Variants in SEMA3E observed in about 807,000 individuals in gnomAD.
SEMA3E encodes the protein semaphorin-3E.
In SEMA3E, 49 loss-of-function variants were observed where a neutral mutation model predicts 93.6. That is an observed-to-expected ratio of 0.52 (90% confidence interval 0.42 to 0.66). The LOEUF is 0.66. Among genes scored for constraint, SEMA3E ranks in the 30% least tolerant of loss-of-function variants. The pLI, the probability that SEMA3E is intolerant of heterozygous loss-of-function variation, is 0.00. For missense variants in SEMA3E, 906 were observed against 964.8 expected (o/e 0.94, Z 0.81); for synonymous variants, 363 against 330.7 (o/e 1.10, Z -1.06).
At chr7:83,451,150 C>T (rs1177317752) in intron 4 of SEMA3E, among the ~76,000 whole-genome samples, 1 of 152,154 alleles carries the variant, frequency 6.6e-6, no homozygotes, top group Admixed American at 6.5e-5. Context: ...AGGTTTGCTT[C>T]CACTTCCACC....
At position 83,448,822 on chromosome 7, in the gene SEMA3E, G is replaced by A. The variant is rs530951835; in HGVS notation, c.456+17660C>T. On this transcript the variant is annotated intron_variant, in intron 4 of 16. Coordinates refer to ENST00000643230, the MANE Select transcript of SEMA3E (RefSeq NM_012431.3). ...CATAAATGTGAAAAGTGATGAACTA[G>A]GATAACATTAAGTTTTTGGTATGAG... Among the ~76,000 whole-genome samples the A allele has an allele frequency of 1.1e-4, 17 of 152,210 alleles. No homozygotes were observed. In the South Asian group the frequency reaches 3.3e-3, roughly 30 times the overall value.
chr7:83,637,670 A>G (rs916426094), intron 1 of SEMA3E, among the ~76,000 whole-genome samples: 1 of 151,986 alleles, frequency 6.6e-6, no homozygotes, highest in Non-Finnish European at 1.5e-5. Flanking sequence ...CATATGAGGA[A>G]GGATGTGTTT....
intron 7 of SEMA3E, among the ~76,000 whole-genome samples, chr7:83,406,260 C>T (rs1174897522): frequency 6.6e-6 from 1 of 151,806 alleles, no homozygotes; most frequent in Non-Finnish European, 1.5e-5. Context: ...TTCATTCGGC[C>T]TTGTCAGTGC....
At chr7:83,418,335 A>G in intron 5 of SEMA3E, 55 bp downstream of exon 5, 2 of 1,211,602 alleles carry the variant, frequency 1.7e-6, no homozygotes, top group South Asian at 1.3e-5. Context: ...AAGTTGAAAT[A>G]TATGTTTTAA....
At chr7:83,376,171 A>C (rs1794819583) in intron 16 of SEMA3E, among the ~76,000 whole-genome samples, 2 of 152,042 alleles carry the variant, frequency 1.3e-5, no homozygotes, top group Admixed American at 1.3e-4. Flanking sequence ...AAACAAAGAA[A>C]TAATATTAAT....
chr7:83,638,750 C>CCA (rs1213529752), intron 1 of SEMA3E, among the ~76,000 whole-genome samples: 1 of 152,014 alleles, frequency 6.6e-6, no homozygotes, highest in African/African-American at 2.4e-5. Flanking sequence ...TAGCATCCTT[C>CCA]CACACACACA....
In SEMA3E at chr7:83,466,631, A is replaced by G. The variant is rs761489415; in HGVS notation, c.337-30T>C. On this transcript the variant is annotated intron_variant, in intron 3 of 16. Transcript: ENST00000643230. ...AGCAGGAAAAAAAGGGAAGGAATCT[A>G]TCAGTATAATAAACATGTTTCGTCC... 35 of 1,610,176 alleles carry G rather than the reference A, an allele frequency of 2.2e-5. No homozygotes were observed. In the Admixed American group the frequency reaches 5.2e-4, roughly 24 times the overall value.
intron 4 of SEMA3E, among the ~76,000 whole-genome samples, chr7:83,420,793 T>C (rs998283376): frequency 1.3e-5 from 2 of 152,184 alleles, no homozygotes; most frequent in Non-Finnish European, 2.9e-5. Flanking sequence ...GAAATGGGGC[T>C]CCTACTTTTG....
intron 1 of SEMA3E, among the ~76,000 whole-genome samples, chr7:83,566,258 G>A (rs1294106720): frequency 2.0e-5 from 3 of 150,830 alleles, no homozygotes; most frequent in Admixed American, 6.6e-5. Flanking sequence ...TGCCTGCTTC[G>A]GCCTCCCAGA....
rs528581583 is a variant in SEMA3E, at chr7:83,484,461, C to T, written c.276+5653G>A. On this transcript the variant is annotated intron_variant, in intron 2 of 16. Coordinates refer to ENST00000643230, the MANE Select transcript of SEMA3E (RefSeq NM_012431.3). ...CAACCATCACAATTGCAAGTCAATG[C>T]CTGTCCATCTGTTTCAATGACCTCG... Among the ~76,000 whole-genome samples the T allele has an allele frequency of 3.9e-5, 6 of 152,268 alleles. No individual in the cohort carries two copies. In the East Asian group the frequency reaches 9.7e-4, roughly 25 times the overall value.
chr7:83,537,587 A>G (rs905423755), intron 1 of SEMA3E, among the ~76,000 whole-genome samples: 1 of 152,196 alleles, frequency 6.6e-6, no homozygotes, highest in African/African-American at 2.4e-5. Context: ...ATTCTGCCCC[A>G]GAAGCAACAA....
intron 4 of SEMA3E, among the ~76,000 whole-genome samples, chr7:83,448,620 T>C (rs1284842780): frequency 2.0e-5 from 3 of 152,222 alleles, no homozygotes; most frequent in Admixed American, 6.5e-5. Flanking sequence ...TAGAGTTACA[T>C]AATTTTAATG....
intron 1 of SEMA3E, among the ~76,000 whole-genome samples, chr7:83,531,877 C>G (rs936847761): frequency 6.6e-6 from 1 of 152,038 alleles, no homozygotes; most frequent in Non-Finnish European, 1.5e-5. Flanking sequence ...TTAATTTGAA[C>G]CACATTAAGA....
intron 1 of SEMA3E, among the ~76,000 whole-genome samples, chr7:83,622,844 T>A: frequency 6.6e-6 from 1 of 151,520 alleles, no homozygotes; most frequent in African/African-American, 2.4e-5. Flanking sequence ...GGGGAAGAGT[T>A]GCGAAGGGCA....
At chr7:83,412,868 C>G (rs1268833295) in intron 5 of SEMA3E, among the ~76,000 whole-genome samples, 1 of 151,050 alleles carries the variant, frequency 6.6e-6, no homozygotes, top group African/African-American at 2.5e-5. Context: ...ACGTGGATAA[C>G]AAATTTGAAT....
intron 1 of SEMA3E, among the ~76,000 whole-genome samples, chr7:83,614,241 G>A (rs1793321579): frequency 6.6e-6 from 1 of 152,042 alleles, no homozygotes; most frequent in African/African-American, 2.4e-5. Flanking sequence ...TTCTTTCTCA[G>A]TGCCAAAATT....
intron 1 of SEMA3E, among the ~76,000 whole-genome samples, chr7:83,629,338 G>A (rs1421190394): frequency 6.6e-6 from 1 of 152,182 alleles, no homozygotes; most frequent in African/African-American, 2.4e-5. Flanking sequence ...CAAGCGCTGT[G>A]CTGGTAGAGC....
chr7:83,486,866 C>T (rs1790268662), intron 2 of SEMA3E, among the ~76,000 whole-genome samples: 1 of 151,944 alleles, frequency 6.6e-6, no homozygotes, highest in South Asian at 2.1e-4. Flanking sequence ...TCTCCCACTC[C>T]CCCAAGTTGT....
chr7:83,490,209 T>C lies in SEMA3E; in HGVS notation c.181A>G (p.Met61Val). The C allele has an allele frequency of 3.7e-6, 6 of 1,613,036 alleles. No homozygotes were observed. Among genetic ancestry groups the C allele is most frequent in the Non-Finnish European group, 5.1e-6 (6 of 1,179,380 alleles). ...SPFGFLDLHTMLLDEYQERLF... is the reference protein window; with the variant it reads ...SPFGFLDLHTVLLDEYQERLF... ...CTCTCTTGATATTCATCCAGCAGCA[T>C]TGTATGGAGATCAAGAAATCCAAAA... Residue 61 changes from methionine to valine, a missense_variant, in exon 2 of 17, where the codon ATG (methionine) becomes GTG (valine). Met to Val is a conservative substitution (Grantham distance 21). Transcript: ENST00000643230.
Sources: gnomAD v4.1 joint callset for allele counts (sites outside exome capture counted in the v4.1 genomes callset) on GRCh38, gnomAD v4.1.1 for gene constraint, MANE v1.5 for transcripts, NCBI Gene and HGNC (gene_info 2026-07-23, HGNC 2026-07-21) for gene names.